Variants in GRIN2D observed in about 807,000 individuals in gnomAD.
The protein encoded by GRIN2D is glutamate receptor ionotropic, NMDA 2D.
A neutral mutation model predicts 103.2 loss-of-function variants in GRIN2D; 37 were observed. The ratio of observed to expected loss-of-function variants is 0.36; its 90% CI spans 0.28 to 0.47. GRIN2D has a LOEUF of 0.47. Among genes scored for constraint, GRIN2D ranks in the 20% least tolerant of loss-of-function variants. The pLI is 1.00. For missense variants in GRIN2D, 1,557 were observed against 1,910.6 expected (o/e 0.81, Z 3.45); for synonymous variants, 845 against 885.6 (o/e 0.95, Z 0.81).
chr19:48,439,493 G>A (rs1971267618), intron 11 of GRIN2D, among the ~76,000 whole-genome samples: 1 of 152,154 alleles, frequency 6.6e-6, no homozygotes, highest in Non-Finnish European at 1.5e-5. Context: ...CATGGGGAAG[G>A]TTGAGATTAA....
At position 48,414,939 on chromosome 19, in the gene GRIN2D, G is replaced by A; in HGVS notation, c.1488G>A (p.Ala496=). The A allele has an allele frequency of 6.2e-7, 1 of 1,613,994 alleles. No homozygotes were observed. Among genetic ancestry groups the A allele is most frequent in the Non-Finnish European group, 8.5e-7 (1 of 1,179,952 alleles). ...GFCIDILKRL[A]HTIGFSYDLY... ...GCATCGACATTCTGAAGCGGCTGGC[G>A]CATACCATCGGCTTCAGCTACGACC... Residue 496 remains alanine (A), a synonymous_variant, in exon 7 of 14, where the codon GCG becomes GCA. Transcript: ENST00000263269. The surrounding 1 kb of genome is among the most constrained non-coding windows in gnomAD (Gnocchi z 4.6).
In GRIN2D at chr19:48,414,132, A is replaced by G. The variant is rs1414728419; in HGVS notation, c.1200+27A>G. The G allele has an allele frequency of 7.4e-7, 1 of 1,357,602 alleles. No individual in the cohort carries two copies. Among genetic ancestry groups the G allele is most frequent in the East Asian group, 2.3e-5 (1 of 43,716 alleles). The allele number at this position is 1,357,602 out of a possible 1,614,324, so 84.1% of individuals were successfully genotyped here. ...TGAGTCGTAGCCCCAGACCTCAGGC[A>G]TGGCAGAGGGTGTGGACTCCTGCAT... On this transcript the variant is annotated intron_variant, in intron 5 of 13. Coordinates refer to ENST00000263269, the MANE Select transcript of GRIN2D (RefSeq NM_000836.4). The surrounding 1 kb of genome is among the most constrained non-coding windows in gnomAD (Gnocchi z 4.6).
Position 48,443,856 on chromosome 19 carries a change from T to C in GRIN2D, c.3930T>C (p.Ala1310=). ...ACTGGGGGCCGCCGCTGCCCACAGC[T>C]TCCCACCGGAGACACCGGGGCGGGG... The part of the protein sequence containing the change: ...AAHWGPPLPT[A]SHRRHRGGDL... Residue 1310 remains alanine (A), a synonymous_variant, in exon 14 of 14, where the codon GCT becomes GCC. Coordinates refer to ENST00000263269, the MANE Select transcript of GRIN2D (RefSeq NM_000836.4). This position sits in a 1 kb window ranked among gnomAD's most constrained non-coding sequence, Gnocchi z 8.9. 1 of 1,484,634 alleles carries C rather than the reference T, an allele frequency of 6.7e-7. No individual in the cohort carries two copies. Among genetic ancestry groups the C allele is most frequent in the Non-Finnish European group, 8.9e-7 (1 of 1,125,496 alleles). 92.0% of individuals were successfully genotyped at this position (1,484,634 alleles called of 1,614,324 possible). A position where few individuals can be genotyped will look rare whatever the true frequency, so the allele number is the denominator to read the frequency against.
rs1415626609 is a variant in GRIN2D at position 48,405,966 on chromosome 19, G to A, written c.1085+613G>A. ...GGAAAAGAGAGGAAGTGGACAGCAA[G>A]CACTTTCCTTTTGAGTAAGTGAGGC... On this transcript the variant is annotated intron_variant, in intron 4 of 13. Coordinates refer to ENST00000263269, the MANE Select transcript of GRIN2D (RefSeq NM_000836.4). This position sits in a 1 kb window ranked among gnomAD's most constrained non-coding sequence, Gnocchi z 5.1. Among the ~76,000 whole-genome samples the A allele has an allele frequency of 2.5e-4, 38 of 152,146 alleles. No homozygotes were observed. The highest frequency in any genetic ancestry group is 2.5e-3 in the Admixed American group (38 of 15,252).
rs1318128060 is a variant in GRIN2D at position 48,443,306 on chromosome 19, G to A, written c.3380G>A (p.Gly1127Asp). 3 of 1,542,568 alleles carry A rather than the reference G, an allele frequency of 1.9e-6. No homozygotes were observed. The highest frequency in any genetic ancestry group is 8.7e-7 in the Non-Finnish European group (1 of 1,154,482). ...GAGAGCCTGGGCGGCGCGTCGCTGG[G>A]CGGCCTGGAGCCCTGGTGGTTCGCC... ...DSESLGGASLGGLEPWWFADF... is the reference protein window; with the variant it reads ...DSESLGGASLDGLEPWWFADF... The change falls in exon 14 of 14, where the codon GGC becomes GAC. Residue 1127 changes from glycine (G) to aspartate (D), a missense_variant. Coordinates refer to ENST00000263269, the MANE Select transcript of GRIN2D (RefSeq NM_000836.4). The surrounding 1 kb of genome is among the most constrained non-coding windows in gnomAD (Gnocchi z 8.9).
chr19:48,397,700 T>C (rs1225368763), intron 2 of GRIN2D, among the ~76,000 whole-genome samples: 1 of 151,744 alleles, frequency 6.6e-6, no homozygotes, highest in Non-Finnish European at 1.5e-5. Context: ...GTCCTCTCTC[T>C]CTCCGTCTTC....
chr19:48,421,875 G>T lies in GRIN2D; in HGVS notation c.2182G>T (p.Asp728Tyr), dbSNP rs752367785. ...GAAGAACATCCGCAGCAACTATCCC[G>T]ACATGCACAGCTACATGGTGCGCTA... ...TEKNIRSNYP[D>Y]MHSYMVRYNQ... is the part of the protein sequence containing the mutation. The change falls in exon 11 of 14, where the codon GAC becomes TAC. Residue 728 changes from aspartate (D) to tyrosine (Y), a missense_variant. Transcript: ENST00000263269. The surrounding 1 kb of genome is among the most constrained non-coding windows in gnomAD (Gnocchi z 4.8). The T allele has an allele frequency of 6.2e-7, 1 of 1,614,082 alleles. No homozygotes were observed. Among genetic ancestry groups the T allele is most frequent in the South Asian group, 1.1e-5 (1 of 91,074 alleles).
rs1389928736 is a variant in GRIN2D at position 48,398,869 on chromosome 19, CG to C, written c.465+16del. On this transcript the variant is annotated intron_variant, in intron 3 of 13. Coordinates refer to ENST00000263269, the MANE Select transcript of GRIN2D (RefSeq NM_000836.4). Reference sequence around the variant, plus strand: ...TGCTCACGCCCAAGGTGCGCGCGACCGGGGCGGGGCGGGGCCACAGGAGGGG... The same window carrying C: ...TGCTCACGCCCAAGGTGCGCGCGACCGGGCGGGGCGGGGCCACAGGAGGGG... 1 of 989,314 alleles carries C rather than the reference CG, an allele frequency of 1.0e-6. No individual in the cohort carries two copies. The highest frequency in any genetic ancestry group is 3.4e-5 in the South Asian group (1 of 29,644). 61.3% of individuals were successfully genotyped at this position (989,314 alleles called of 1,614,324 possible). A position where few individuals can be genotyped will look rare whatever the true frequency, so the allele number is the denominator to read the frequency against.
At position 48,443,397 on chromosome 19, in the gene GRIN2D, G is replaced by A; in HGVS notation, c.3471G>A (p.Lys1157=). Residue 1157 remains lysine, a synonymous_variant, in exon 14 of 14, where the codon AAG becomes AAA. Transcript: ENST00000263269. This position sits in a 1 kb window ranked among gnomAD's most constrained non-coding sequence, Gnocchi z 8.9. ...CCGGCCGCTACTGGTCGGTCGACAA[G>A]CTCGGGGGCTGGCGCGCCGGGAGCT... is the stretch of plus-strand genomic sequence containing the variant. ...PPPGRYWSVD[K]LGGWRAGSWD... 7.0e-7 allele frequency: 1 copy of A among 1,430,666 alleles called. No homozygotes were observed. Among genetic ancestry groups the A allele is most frequent in the Non-Finnish European group, 9.1e-7 (1 of 1,096,678 alleles). The allele number at this position is 1,430,666 out of a possible 1,614,324, so 88.6% of individuals were successfully genotyped here.
chr19:48,412,420 GAAAAGAAAGAAA>G (rs1833785449), intron 4 of GRIN2D, among the ~76,000 whole-genome samples: 2 of 94,982 alleles, frequency 2.1e-5, no homozygotes, highest in African/African-American at 7.8e-5. Flanking sequence ...GAAAGAGAAA[GAAAAGAAAGAAA>G]GAAAGAAAGA....
intron 11 of GRIN2D, among the ~76,000 whole-genome samples, chr19:48,424,370 A>T (rs905983748): frequency 2.1e-5 from 3 of 142,582 alleles, no homozygotes; most frequent in African/African-American, 8.1e-5. Context: ...TCCCGGGTTC[A>T]CGCCATTCTC....
rs896416198 is a variant in GRIN2D at position 48,442,692 on chromosome 19, G to A, written c.2766G>A (p.Ala922=). Residue 922 remains alanine, a synonymous_variant, in exon 14 of 14, where the codon GCG becomes GCA. Coordinates refer to ENST00000263269, the MANE Select transcript of GRIN2D (RefSeq NM_000836.4). This position sits in a 1 kb window ranked among gnomAD's most constrained non-coding sequence, Gnocchi z 7.2. ...PQPLPSPAYP[A]PRPAPGPAPF... is the part of the protein sequence containing the mutation. ...CCCTGCCCAGCCCCGCGTACCCCGC[G>A]CCGCGGCCGGCTCCCGGGCCCGCAC... 1 of 1,179,818 alleles carries A rather than the reference G, an allele frequency of 8.5e-7. No homozygotes were observed. The allele number at this position is 1,179,818 out of a possible 1,614,324, so 73.1% of individuals were successfully genotyped here. A position where few individuals can be genotyped will look rare whatever the true frequency, so the allele number is the denominator to read the frequency against.
intron 11 of GRIN2D, among the ~76,000 whole-genome samples, chr19:48,426,204 TTTTCTTTC>T (rs533790740): frequency 6.8e-6 from 1 of 147,116 alleles, no homozygotes; most frequent in Admixed American, 6.7e-5. Flanking sequence ...TCTTCTTTCT[TTTTCTTTC>T]TTTCTTTCTT....
At chr19:48,440,859 G>A (rs1436181240) in intron 11 of GRIN2D, among the ~76,000 whole-genome samples, 1 of 151,920 alleles carries the variant, frequency 6.6e-6, no homozygotes, top group Non-Finnish European at 1.5e-5. Flanking sequence ...GCTAATTTTT[G>A]TATTTTCAGT....
Position 48,436,149 on chromosome 19 carries a change from T to C in GRIN2D, c.2253-5620T>C, listed in dbSNP as rs893394923. ...AAAGAGTCATTCACGCAGAGCCGGCTGTGTGGGAGACCGGAGTTTTATTAT... is the reference window on the plus strand; with the variant it reads ...AAAGAGTCATTCACGCAGAGCCGGCCGTGTGGGAGACCGGAGTTTTATTAT... On this transcript the variant is annotated intron_variant, in intron 11 of 13. Transcript: ENST00000263269. Among the ~76,000 whole-genome samples the C allele has an allele frequency of 6.6e-5, 10 of 152,294 alleles. No homozygotes were observed. In the South Asian group the frequency reaches 2.1e-3, roughly 32 times the overall value.
chr19:48,400,507 C>T (rs914781833), intron 3 of GRIN2D, among the ~76,000 whole-genome samples: 1 of 152,140 alleles, frequency 6.6e-6, no homozygotes, highest in African/African-American at 2.4e-5. Context: ...ACTGCCACTT[C>T]CAAGGCATAC....
At chr19:48,434,828 G>A (rs1396222997) in intron 11 of GRIN2D, among the ~76,000 whole-genome samples, 1 of 151,592 alleles carries the variant, frequency 6.6e-6, no homozygotes, top group Non-Finnish European at 1.5e-5. Flanking sequence ...GAATCTGCTG[G>A]CCTCAGCCTC....
chr19:48,428,785 T>C (rs770688416), intron 11 of GRIN2D, among the ~76,000 whole-genome samples: 2 of 152,170 alleles, frequency 1.3e-5, no homozygotes, highest in Non-Finnish European at 2.9e-5. Flanking sequence ...TCTGAAGTAC[T>C]AGGGGCTAGG....
chr19:48,438,015 T>TAG (rs4009675), intron 11 of GRIN2D, among the ~76,000 whole-genome samples: 140,405 of 152,088 alleles, frequency 0.92, 65,116 homozygotes, highest in African/African-American at 0.98. Flanking sequence ...TTGCTTCAGC[T>TAG]AGAGACATTC....
Sources: allele counts gnomAD v4.1 joint callset (sites outside exome capture counted in the v4.1 genomes callset), GRCh38; gene constraint gnomAD v4.1.1; non-coding constraint Gnocchi (gnomAD v3.1); transcripts MANE v1.5; gene names NCBI Gene and HGNC (gene_info 2026-07-23, HGNC 2026-07-21).